Variants in ZNF320 observed in about 807,000 individuals in gnomAD.
The protein encoded by ZNF320 is zinc finger gene 320.
A neutral mutation model predicts 6.8 loss-of-function variants in ZNF320; 2 were observed. The ratio of observed to expected loss-of-function variants is 0.29; its 90% CI spans 0.12 to 0.93. The LOEUF is 0.93. ZNF320 is among the 40% of genes least tolerant of loss of function. The pLI is 0.55. For missense variants in ZNF320, 472 were observed against 611.0 expected, an observed-to-expected ratio of 0.77 and a Z score of 2.40; for synonymous variants, 208 against 203.2, an observed-to-expected ratio of 1.02 and a Z score of -0.20.
chr19:52,874,733 G>A (rs2063735726), downstream of ZNF320, among the ~76,000 whole-genome samples: 1 of 152,124 alleles, frequency 6.6e-6, no homozygotes, highest in Non-Finnish European at 1.5e-5. Context: ...TGAAGGTGGG[G>A]CTGTCATGTC....
In ZNF320 at chr19:52,862,710, G is replaced by A. The variant is rs868089390; in HGVS notation, c.*1319C>T. Reference sequence around the variant, plus strand: ...GTGTGAATTTCAGTATGTTCTGCAAGGAGTGAATTGAGCCCAAAAACCTTT... The same window carrying A: ...GTGTGAATTTCAGTATGTTCTGCAAAGAGTGAATTGAGCCCAAAAACCTTT... On this transcript the variant is annotated 3_prime_UTR_variant, in exon 6 of 6. Coordinates refer to the ZNF320 transcript ENST00000673631. The A allele has an allele frequency of 4.6e-5, 23 of 497,616 alleles. 1 individual carries two copies. The Middle Eastern group carries it at 7.0e-3, about 151-fold the overall frequency. The allele number at this position is 497,616 out of a possible 1,614,324, so 30.8% of individuals were successfully genotyped here.
At chr19:52,868,948 G>C (rs1181600905) in intron 5 of ZNF320, among the ~76,000 whole-genome samples, 2 of 152,040 alleles carry the variant, frequency 1.3e-5, no homozygotes, top group African/African-American at 4.8e-5. Context: ...GGAGGGGAGG[G>C]GCTCACGGGG....
chr19:52,871,098 C>T (rs1459211390), intron 5 of ZNF320, among the ~76,000 whole-genome samples: 1 of 152,092 alleles, frequency 6.6e-6, no homozygotes, highest in African/African-American at 2.4e-5. Context: ...AGTCAGCTGA[C>T]AGCCTGTCAC....
Position 52,880,419 on chromosome 19 carries a change from T to A in ZNF320, c.*177A>T. ...CTCCCGTCTGTTGGCCAGGCTGGTCTCAAATTCATGACCTCAAGTGACCTA... is the reference window on the plus strand; with the variant it reads ...CTCCCGTCTGTTGGCCAGGCTGGTCACAAATTCATGACCTCAAGTGACCTA... On this transcript the variant is annotated 3_prime_UTR_variant, in exon 6 of 6. Transcript: ENST00000682928. 1.8e-6 allele frequency: 1 copy of A among 550,824 alleles called. No individual in the cohort carries two copies. The allele number at this position is 550,824 out of a possible 1,614,324, so 34.1% of individuals were successfully genotyped here.
intron 5 of ZNF320, among the ~76,000 whole-genome samples, chr19:52,882,380 C>A (rs2063949231): frequency 6.6e-6 from 1 of 152,094 alleles, no homozygotes; most frequent in Non-Finnish European, 1.5e-5. Flanking sequence ...TGTTAAAAAA[C>A]CAGACAATGT....
chr19:52,897,884 G>T (rs1407344517), upstream of ZNF320, among the ~76,000 whole-genome samples: 2 of 152,160 alleles, frequency 1.3e-5, no homozygotes, highest in Non-Finnish European at 2.9e-5. Context: ...GGCGAGAAGC[G>T]GGTGGGTCCT....
chr19:52,863,224 T>C (rs2063496357), exon 6 of ZNF320, among the ~76,000 whole-genome samples: 1 of 152,168 alleles, frequency 6.6e-6, no homozygotes, highest in Non-Finnish European at 1.5e-5. Context: ...CATAGAAGTA[T>C]ATGTATTTCT....
At chr19:52,862,940 AG>A in exon 6 of ZNF320, 1 of 207,316 alleles carries the variant, frequency 4.8e-6, no homozygotes, top group Non-Finnish European at 9.9e-6. Context: ...ACCCTGAGGC[AG>A]GGGAATTGCT....
chr19:52,864,021 C>T (rs1410118959), exon 6 of ZNF320: 5 of 488,616 alleles, frequency 1.0e-5, no homozygotes, highest in Non-Finnish European at 2.0e-5. Flanking sequence ...TCTGGAGGAA[C>T]ATTTTCCTCA....
At chr19:52,860,752 T>C (rs1048535763), downstream of ZNF320, among the ~76,000 whole-genome samples, 1 of 152,208 alleles carries the variant, frequency 6.6e-6, no homozygotes. Context: ...TTCTTGCAGG[T>C]ACTATTAAGC....
intron 5 of ZNF320, chr19:52,865,482 A>ACATATATG: frequency 8.1e-6 from 1 of 123,154 alleles, no homozygotes; most frequent in African/African-American, 3.5e-5. Context: ...ACATATATAT[A>ACATATATG]TAATACATAT....
downstream of ZNF320, chr19:52,873,975 G>A (rs183535547): frequency 5.3e-4 from 232 of 440,032 alleles, 1 homozygote; most frequent in African/African-American, 4.5e-3. Flanking sequence ...AGAATCCAAT[G>A]AGAAATATCA....
intron 2 of ZNF320, among the ~76,000 whole-genome samples, chr19:52,892,852 T>C (rs2064348871): frequency 6.6e-6 from 1 of 151,770 alleles, no homozygotes; most frequent in East Asian, 1.9e-4. Flanking sequence ...CTCTGCTCTG[T>C]CTGCCCTGGC....
In ZNF320 at chr19:52,877,492, T is replaced by TA. The variant is rs2063796130; in HGVS notation, c.*3103dup. 1 of 152,302 alleles carries TA rather than the reference T, an allele frequency of 6.6e-6. No homozygotes were observed. Among genetic ancestry groups the TA allele is most frequent in the East Asian group, 1.9e-4 (1 of 5,172 alleles). The allele number at this position is 152,302 out of a possible 1,614,324, so 9.4% of individuals were successfully genotyped here. On this transcript the variant is annotated 3_prime_UTR_variant, in exon 6 of 6. Transcript: ENST00000682928. ...AAATAGGGCAAGGGAAGCAATCAGA[T>TA]AGACATTTGACTCAGGTGTGCAGAG...
Position 52,883,296 on chromosome 19 carries a change from G to C in ZNF320, c.143-1313C>G, listed in dbSNP as rs553063678. On this transcript the variant is annotated intron_variant, in intron 5 of 5. Transcript: ENST00000682928. The stretch of plus-strand genomic sequence containing the variant: ...TGAACTCCTGTGATCTCGAACTCTG[G>C]TGATCCACACTTCTCGGCCTCCCAA... 3.3e-5 allele frequency among the ~76,000 whole-genome samples: 5 copies of C among 152,180 alleles called. No individual in the cohort carries two copies. The South Asian group carries it at 1.0e-3, about 32-fold the overall frequency.
chr19:52,903,339 G>A, the ZNF320 span, among the ~76,000 whole-genome samples: 4 of 151,926 alleles, frequency 2.6e-5, no homozygotes, highest in Non-Finnish European at 4.4e-5. Context: ...CTTAGAATTG[G>A]TATAGATGGC....
At chr19:52,902,207 C>T (rs12971612), upstream of ZNF320, among the ~76,000 whole-genome samples, 54,047 of 152,148 alleles carry the variant, frequency 0.36, 11,505 homozygotes, top group Non-Finnish European at 0.48. Context: ...AATGCTAAAT[C>T]TCCTCTCTGC....
At chr19:52,894,775 GAC>G (rs1201390855) in intron 1 of ZNF320, 6 of 152,088 alleles carry the variant, frequency 3.9e-5, no homozygotes, top group African/African-American at 1.5e-4. Flanking sequence ...GGGAGGCTGA[GAC>G]AGGAAAATCA....
chr19:52,865,483 TAATACATATATATTATAC>T (rs2063532877), intron 5 of ZNF320: 3 of 127,680 alleles, frequency 2.3e-5, no homozygotes, highest in African/African-American at 9.5e-5. Context: ...CATATATATA[TAATACATATATATTATAC>T]ATATATATTT....
Sources: gnomAD v4.1 joint callset for allele counts (sites outside exome capture counted in the v4.1 genomes callset) on GRCh38, gnomAD v4.1.1 for gene constraint, MANE v1.5 for transcripts, NCBI Gene and HGNC (gene_info 2026-07-23, HGNC 2026-07-21) for gene names.